RALYL: variants seen among roughly 807,000 people sequenced by gnomAD.
RALYL encodes the protein RALY RNA binding protein like, also known as RNA-binding Raly-like protein.
RALYL carries 29 observed loss-of-function variants against 35.1 expected under a neutral mutation model. The ratio of observed to expected loss-of-function variants is 0.83; its 90% CI spans 0.61 to 1.13. RALYL has a LOEUF of 1.13. Ranked by LOEUF, RALYL falls within the 50% of genes most tolerant of loss-of-function variation. RALYL has a pLI of 0.00. For missense variants in RALYL, 359 were observed against 360.4 expected (o/e 1.00, Z 0.03); for synonymous variants, 120 against 127.6 (o/e 0.94, Z 0.40).
At chr8:84,569,186 A>C (rs1331461591) in intron 2 of RALYL, among the ~76,000 whole-genome samples, 1 of 152,154 alleles carries the variant, frequency 6.6e-6, no homozygotes, top group South Asian at 2.1e-4. Context: ...TTTAGGTCTA[A>C]CATGTAAGTC....
intron 2 of RALYL, among the ~76,000 whole-genome samples, chr8:84,600,356 T>C (rs896275539): frequency 6.6e-6 from 1 of 152,116 alleles, no homozygotes; most frequent in Non-Finnish European, 1.5e-5. Flanking sequence ...GACAAATCAC[T>C]GATTGTGAGC....
At chr8:84,282,199 A>G (rs1265352252) in intron 1 of RALYL, among the ~76,000 whole-genome samples, 1 of 151,440 alleles carries the variant, frequency 6.6e-6, no homozygotes, top group Non-Finnish European at 1.5e-5. Flanking sequence ...CTATCACTAT[A>G]GGTATTATCT....
intron 7 of RALYL, among the ~76,000 whole-genome samples, chr8:84,874,831 C>CAGAGTTAAAAATATA (rs1194722014): frequency 2.0e-5 from 3 of 152,158 alleles, no homozygotes; most frequent in Non-Finnish European, 4.4e-5. Context: ...AACTATATAG[C>CAGAGTTAAAAATATA]ACAGAGTTAA....
At chr8:84,628,299 C>A (rs999435405) in intron 2 of RALYL, among the ~76,000 whole-genome samples, 2 of 152,046 alleles carry the variant, frequency 1.3e-5, no homozygotes, top group African/African-American at 4.8e-5. Flanking sequence ...GGCTCTTCCT[C>A]ATCTTTCAAG....
intron 1 of RALYL, among the ~76,000 whole-genome samples, chr8:84,451,185 T>G (rs1267874819): frequency 6.6e-6 from 1 of 152,056 alleles, no homozygotes; most frequent in African/African-American, 2.4e-5. Flanking sequence ...ATTCACTTTT[T>G]TGTTCTCTAA....
At chr8:84,495,276 A>C (rs532034608) in intron 1 of RALYL, among the ~76,000 whole-genome samples, 18 of 152,202 alleles carry the variant, frequency 1.2e-4, no homozygotes, top group African/African-American at 4.3e-4. Flanking sequence ...TATGGTGCAT[A>C]GTTTCATGTC....
chr8:84,876,361 A>G (rs1249083983), intron 7 of RALYL, among the ~76,000 whole-genome samples: 1 of 152,226 alleles, frequency 6.6e-6, no homozygotes, highest in African/African-American at 2.4e-5. Flanking sequence ...ATTACATCAC[A>G]CAACTTCTTT....
intron 1 of RALYL, among the ~76,000 whole-genome samples, chr8:84,209,341 GC>G (rs1374955564): frequency 6.6e-6 from 1 of 152,080 alleles, no homozygotes; most frequent in Non-Finnish European, 1.5e-5. Context: ...GGTTATGAAA[GC>G]TTTTTAGTTT....
chr8:84,732,697 C>CACACACACACAT (rs1563469493), intron 2 of RALYL, among the ~76,000 whole-genome samples: 4 of 93,436 alleles, frequency 4.3e-5, no homozygotes, highest in Admixed American at 9.2e-5. Flanking sequence ...CACACACACA[C>CACACACACACAT]ATATATATAA....
intron 1 of RALYL, among the ~76,000 whole-genome samples, chr8:84,227,816 G>T (rs1404705921): frequency 1.3e-5 from 2 of 152,070 alleles, no homozygotes; most frequent in Non-Finnish European, 2.9e-5. Flanking sequence ...TATTGTAATA[G>T]TGCCTCAGAA....
At chr8:84,673,535 A>G (rs1833650691) in intron 2 of RALYL, among the ~76,000 whole-genome samples, 1 of 152,124 alleles carries the variant, frequency 6.6e-6, no homozygotes, top group Non-Finnish European at 1.5e-5. Context: ...TTTAAAATCC[A>G]TCTTGAGTTG....
chr8:84,210,974 AAT>A (rs542420321), intron 1 of RALYL, among the ~76,000 whole-genome samples: 600 of 152,200 alleles, frequency 3.9e-3, no homozygotes, highest in African/African-American at 0.013. Flanking sequence ...ATAATGTTTA[AAT>A]ATTGGCTAGT....
At chr8:84,834,318 A>C (rs1048359547) in intron 4 of RALYL, among the ~76,000 whole-genome samples, 1 of 152,212 alleles carries the variant, frequency 6.6e-6, no homozygotes, top group Admixed American at 6.6e-5. Context: ...AGAGTACTCA[A>C]GGGAAAAATG....
chr8:84,541,621 C>T (rs1010047053), intron 2 of RALYL, among the ~76,000 whole-genome samples: 1 of 151,918 alleles, frequency 6.6e-6, no homozygotes, highest in African/African-American at 2.4e-5. Flanking sequence ...CCTTCCGCAT[C>T]GTTACTGATT....
intron 1 of RALYL, among the ~76,000 whole-genome samples, chr8:84,336,856 G>A (rs1307433196): frequency 6.6e-6 from 1 of 151,942 alleles, no homozygotes; most frequent in Non-Finnish European, 1.5e-5. Context: ...TAGTGGAGCA[G>A]AAATGATGCT....
At chr8:84,791,024 C>T (rs1820651772) in intron 3 of RALYL, among the ~76,000 whole-genome samples, 1 of 151,962 alleles carries the variant, frequency 6.6e-6, no homozygotes, top group Non-Finnish European at 1.5e-5. Flanking sequence ...ACAAAGTAGA[C>T]AAAAATCTCT....
chr8:84,237,068 T>A (rs1389534164), intron 1 of RALYL, among the ~76,000 whole-genome samples: 1 of 152,174 alleles, frequency 6.6e-6, no homozygotes, highest in African/African-American at 2.4e-5. Context: ...TAAATAAAAC[T>A]CTTTTCAAGC....
At chr8:84,841,711 G>C (rs932586727) in intron 4 of RALYL, among the ~76,000 whole-genome samples, 5 of 152,104 alleles carry the variant, frequency 3.3e-5, no homozygotes, top group Non-Finnish European at 7.4e-5. Context: ...TCACCACATA[G>C]TTGGAAGTAA....
chr8:84,553,255 G>A (rs780768627), intron 2 of RALYL, among the ~76,000 whole-genome samples: 3 of 152,072 alleles, frequency 2.0e-5, no homozygotes, highest in Non-Finnish European at 4.4e-5. Flanking sequence ...TCTAATACCT[G>A]GGCTCGAAGG....
Sources: gnomAD v4.1 joint callset for allele counts (sites outside exome capture counted in the v4.1 genomes callset) on GRCh38, gnomAD v4.1.1 for gene constraint, MANE v1.5 for transcripts, NCBI Gene and HGNC (gene_info 2026-07-23, HGNC 2026-07-21) for gene names.